FLT1: variants seen among roughly 807,000 people sequenced by gnomAD.
FLT1 encodes the protein fms related receptor tyrosine kinase 1.
FLT1 carries 49 observed loss-of-function variants against 156.3 expected under a neutral mutation model. The ratio of observed to expected loss-of-function variants is 0.31; its 90% CI spans 0.25 to 0.40. The LOEUF (loss-of-function observed/expected upper bound fraction) is 0.40, where lower values mean the gene tolerates loss of function less well. Ranked by LOEUF, FLT1 falls within the 10% of genes least tolerant of loss-of-function variation. FLT1 has a pLI of 1.00. For missense variants in FLT1, 1,322 were observed against 1,637.2 expected, an observed-to-expected ratio of 0.81 and a Z score of 3.32; for synonymous variants, 594 against 583.8, an observed-to-expected ratio of 1.02 and a Z score of -0.25.
intron 1 of FLT1, among the ~76,000 whole-genome samples, chr13:28,494,229 C>G (rs1444334475): frequency 6.6e-6 from 1 of 152,248 alleles, no homozygotes; most frequent in East Asian, 1.9e-4. Flanking sequence ...CCCGCAGGCA[C>G]GAGTCCCCTC....
intron 10 of FLT1, among the ~76,000 whole-genome samples, chr13:28,411,185 G>T (rs1244938053): frequency 2.0e-5 from 3 of 151,908 alleles, no homozygotes; most frequent in Non-Finnish European, 4.4e-5. Flanking sequence ...AGTTCGTTTT[G>T]GTCATAAACA....
At chr13:28,465,943 A>G (rs1320499446) in intron 3 of FLT1, among the ~76,000 whole-genome samples, 1 of 152,194 alleles carries the variant, frequency 6.6e-6, no homozygotes, top group Non-Finnish European at 1.5e-5. Flanking sequence ...CAGAAGGTAG[A>G]CCCACAATGT....
rs556876533 is a variant in FLT1, at chr13:28,451,124, C to A, written c.389-12779G>T. The stretch of plus-strand genomic sequence containing the variant: ...ACTTTTTAGGAGATGGTGAGGACAA[C>A]CTCAGAACCAACAGTTGGCCAGGCA... On this transcript the variant is annotated intron_variant, in intron 3 of 29. Transcript: ENST00000282397. Among the ~76,000 whole-genome samples, 4 of 152,254 alleles carry A rather than the reference C, an allele frequency of 2.6e-5. No homozygotes were observed. In the East Asian group the frequency reaches 7.7e-4, roughly 29 times the overall value.
intron 1 of FLT1, among the ~76,000 whole-genome samples, chr13:28,494,310 G>C (rs1881633210): frequency 6.6e-6 from 1 of 152,182 alleles, no homozygotes; most frequent in African/African-American, 2.4e-5. Flanking sequence ...CAAAGTCCCG[G>C]CCTCAGCCCA....
intron 4 of FLT1, among the ~76,000 whole-genome samples, chr13:28,437,505 C>T (rs1878096968): frequency 6.6e-6 from 1 of 152,174 alleles, no homozygotes; most frequent in African/African-American, 2.4e-5. Flanking sequence ...GAACTTAGCA[C>T]AGTTTTCCGT....
In FLT1 at chr13:28,303,425, G is replaced by C. The variant is rs1039237774; in HGVS notation, c.3816-57C>G. ...CAAAATTGGTTTTTTAGAAAACAAA[G>C]ACACTAAAATCTACTCTTTCTGAGT... On this transcript the variant is annotated intron_variant, in intron 29 of 29. Coordinates refer to ENST00000282397, the MANE Select transcript of FLT1 (RefSeq NM_002019.4). 3.3e-6 allele frequency: 5 copies of C among 1,492,590 alleles called. No individual in the cohort carries two copies. In the African/African-American group the frequency reaches 6.9e-5, roughly 21 times the overall value. The allele number at this position is 1,492,590 out of a possible 1,614,324, so 92.5% of individuals were successfully genotyped here.
chr13:28,432,111 CT>C (rs1025612120), intron 6 of FLT1, among the ~76,000 whole-genome samples: 58 of 148,544 alleles, frequency 3.9e-4, no homozygotes, highest in South Asian at 8.6e-4. Context: ...TTGCCGTCTC[CT>C]TTTTTTTTTA....
rs9579178 is a variant in FLT1 at position 28,366,177 on chromosome 13, C to T, written c.2117-8492G>A. Among the ~76,000 whole-genome samples, 827 of 152,202 alleles carry T rather than the reference C, an allele frequency of 5.4e-3. 1 individual carries two copies. Among genetic ancestry groups the T allele is most frequent in the Non-Finnish European group, 8.9e-3 (603 of 68,008 alleles). ...AACCAGATCAACTTATATAGATCTA[C>T]TGTGAAGGCCAATAAAAACATGGAT... On this transcript the variant is annotated intron_variant, in intron 14 of 29. Coordinates refer to ENST00000282397, the MANE Select transcript of FLT1 (RefSeq NM_002019.4).
At chr13:28,365,608 T>C (rs1020373817) in intron 14 of FLT1, among the ~76,000 whole-genome samples, 2 of 152,164 alleles carry the variant, frequency 1.3e-5, no homozygotes, top group Non-Finnish European at 2.9e-5. Context: ...AACCTTGGCC[T>C]CCCAAAATGC....
intron 13 of FLT1, chr13:28,388,059 G>GC: frequency 9.4e-7 from 1 of 1,058,264 alleles, no homozygotes; most frequent in Non-Finnish European, 1.1e-6. Context: ...AACTATTAAG[G>GC]CCCCCATGTT....
chr13:28,490,367 G>A (rs748302120), intron 1 of FLT1, among the ~76,000 whole-genome samples: 18 of 152,326 alleles, frequency 1.2e-4, no homozygotes, highest in African/African-American at 2.2e-4. Flanking sequence ...CCGCCCCAGC[G>A]GCAATGCAGG....
At chr13:28,360,680 C>T (rs576781721) in intron 14 of FLT1, among the ~76,000 whole-genome samples, 7 of 152,122 alleles carry the variant, frequency 4.6e-5, no homozygotes, top group Non-Finnish European at 7.4e-5. Context: ...TTACCACAGG[C>T]TGGGGTGGGG....
chr13:28,459,646 G>A (rs1012569806), intron 3 of FLT1, among the ~76,000 whole-genome samples: 1 of 152,184 alleles, frequency 6.6e-6, no homozygotes, highest in African/African-American at 2.4e-5. Flanking sequence ...CAACTAGTGT[G>A]GCTATGAGTT....
rs1268246544 is a variant in FLT1 at position 28,380,575 on chromosome 13, C to T, written c.2116+4310G>A. Reference sequence around the variant, plus strand: ...TAAGTGCTAAATTGCTAAATAGTAGCATCCTAGAATGATATTTATAGAATA... The same window carrying T: ...TAAGTGCTAAATTGCTAAATAGTAGTATCCTAGAATGATATTTATAGAATA... On this transcript the variant is annotated intron_variant, in intron 14 of 29. Coordinates refer to ENST00000282397, the MANE Select transcript of FLT1 (RefSeq NM_002019.4). Among the ~76,000 whole-genome samples the T allele has an allele frequency of 2.0e-5, 3 of 151,602 alleles. 1 individual carries two copies. The highest frequency in any genetic ancestry group is 1.3e-4 in the Admixed American group (2 of 15,204).
chr13:28,467,858 C>T (rs892267859), intron 1 of FLT1, among the ~76,000 whole-genome samples: 1 of 152,088 alleles, frequency 6.6e-6, no homozygotes, highest in Non-Finnish European at 1.5e-5. Flanking sequence ...ACCTAAATAA[C>T]ATCCAAAAGC....
At position 28,494,941 on chromosome 13, in the gene FLT1, C is replaced by G; in HGVS notation, c.-98G>C. 1 of 956,666 alleles carries G rather than the reference C, an allele frequency of 1.0e-6. No homozygotes were observed. Among genetic ancestry groups the G allele is most frequent in the Non-Finnish European group, 1.5e-6 (1 of 685,412 alleles). 59.3% of individuals were successfully genotyped at this position (956,666 alleles called of 1,614,324 possible). On this transcript the variant is annotated 5_prime_UTR_variant, in exon 1 of 30. Coordinates refer to ENST00000282397, the MANE Select transcript of FLT1 (RefSeq NM_002019.4). ...TCCTCTCGTTCGCCGCCGCCGGCCC[C>G]GCGCCCTGAGCGCCCGTCTCGCGGC...
chr13:28,473,673 G>GAA (rs751712799), intron 1 of FLT1, among the ~76,000 whole-genome samples: 5,843 of 105,962 alleles, frequency 0.055, 270 homozygotes, highest in South Asian at 0.13. Context: ...AAGAAAGAAA[G>GAA]AGAGAGAGAG....
At position 28,372,067 on chromosome 13, in the gene FLT1, TATATATATA is replaced by T. The variant is rs1331674359; in HGVS notation, c.2116+12809_2116+12817del. ...GTGTGTGTATATATATATATATATA[TATATATATA>T]TTTTTTTTTTTTTTTTTTTTTTTGA... On this transcript the variant is annotated intron_variant, in intron 14 of 29. Transcript: ENST00000282397. 6.9e-4 allele frequency among the ~76,000 whole-genome samples: 19 copies of T among 27,360 alleles called. No individual in the cohort carries two copies. In the South Asian group the frequency reaches 9.3e-3, roughly 13 times the overall value. The allele number at this position is 27,360 out of a possible 152,430, so 17.9% of individuals were successfully genotyped here.
chr13:28,328,230 T>A (rs1871775063), intron 19 of FLT1: 1 of 152,272 alleles, frequency 6.6e-6, no homozygotes. Context: ...ATATTATTTT[T>A]ATTTTTTATT....
Sources: gnomAD v4.1 joint callset for allele counts (sites outside exome capture counted in the v4.1 genomes callset) on GRCh38, gnomAD v4.1.1 for gene constraint, MANE v1.5 for transcripts, NCBI Gene and HGNC (gene_info 2026-07-23, HGNC 2026-07-21) for gene names.